SPART: variants seen among roughly 807,000 people sequenced by gnomAD.
The protein encoded by SPART is spartin.
In SPART, 35 loss-of-function variants were observed where a neutral mutation model predicts 58.7. The observed-to-expected ratio is 0.60, with a 90% CI of 0.46 to 0.79. The LOEUF (loss-of-function observed/expected upper bound fraction) is 0.79. Ranked by LOEUF, SPART falls within the 30% of genes least tolerant of loss-of-function variation. The pLI is 0.00. For missense variants in SPART, 730 were observed against 786.1 expected (o/e 0.93, Z 0.85); for synonymous variants, 284 against 280.7 (o/e 1.01, Z -0.12).
intron 5 of SPART, among the ~76,000 whole-genome samples, chr13:36,322,140 A>C (rs1262007643): frequency 6.6e-6 from 1 of 152,148 alleles, no homozygotes; most frequent in Admixed American, 6.5e-5. Context: ...ATAAACAGCC[A>C]TGTTGCTCAC....
At chr13:36,323,600 C>A (rs750519207) in intron 5 of SPART, among the ~76,000 whole-genome samples, 6 of 152,168 alleles carry the variant, frequency 3.9e-5, no homozygotes, top group Non-Finnish European at 8.8e-5. Context: ...TCATTTTGTA[C>A]ATAGACTGAA....
intron 1 of SPART, among the ~76,000 whole-genome samples, chr13:36,342,733 T>C (rs1297605773): frequency 6.6e-6 from 1 of 152,106 alleles, no homozygotes; most frequent in Non-Finnish European, 1.5e-5. Flanking sequence ...GGGGGATGTG[T>C]GCCCCCCAGG....
chr13:36,334,974 T>C (rs751586745), intron 2 of SPART, 47 bp downstream of exon 2: 16 of 1,430,356 alleles, frequency 1.1e-5, no homozygotes, highest in African/African-American at 4.2e-5. Flanking sequence ...AAAAATGATG[T>C]AGTCTACACG....
intron 1 of SPART, among the ~76,000 whole-genome samples, chr13:36,353,206 A>G (rs1348909082): frequency 6.6e-6 from 1 of 152,194 alleles, no homozygotes; most frequent in Non-Finnish European, 1.5e-5. Context: ...TCTTGTTTAC[A>G]TGGTACAGAG....
At position 36,304,494 on chromosome 13, in the gene SPART, G is replaced by A. The variant is rs1302866280; in HGVS notation, c.1872C>T (p.Leu624=). Reference sequence around the variant, plus strand: ...TATCAACTATCTGATAGTCCTCAAGGAGAGTGTGTCCTGTTTGTGTTGCAG... The same window carrying A: ...TATCAACTATCTGATAGTCCTCAAGAAGAGTGTGTCCTGTTTGTGTTGCAG... ...KKTATQTGHT[L]LEDYQIVDNS... is the part of the protein sequence containing the mutation. Residue 624 remains leucine (L), a synonymous_variant, in exon 9 of 9, where the codon CTC becomes CTT. Transcript: ENST00000438666. 7 of 1,613,972 alleles carry A rather than the reference G, an allele frequency of 4.3e-6. No homozygotes were observed. The Admixed American group carries it at 1.0e-4, about 23-fold the overall frequency.
upstream of SPART, among the ~76,000 whole-genome samples, chr13:36,347,823 T>G (rs1453617589): frequency 6.6e-6 from 1 of 152,206 alleles, no homozygotes; most frequent in African/African-American, 2.4e-5. Context: ...TTATATAACT[T>G]TTAAATGTAG....
At chr13:36,319,718 T>C (rs1171446442) in intron 5 of SPART, among the ~76,000 whole-genome samples, 2 of 141,312 alleles carry the variant, frequency 1.4e-5, no homozygotes, top group Non-Finnish European at 3.2e-5. Context: ...ACTATCCCTT[T>C]GCACCCTTCA....
intron 1 of SPART, among the ~76,000 whole-genome samples, chr13:36,343,514 T>C (rs966465678): frequency 2.6e-5 from 4 of 152,206 alleles, no homozygotes; most frequent in Admixed American, 2.0e-4. Flanking sequence ...TGCATTCTTT[T>C]CAACTAACGC....
At chr13:36,319,344 A>G (rs1014392503) in intron 5 of SPART, among the ~76,000 whole-genome samples, 2 of 147,394 alleles carry the variant, frequency 1.4e-5, no homozygotes, top group African/African-American at 5.1e-5. Flanking sequence ...CACAAGTATA[A>G]GATACCTCTA....
chr13:36,334,955 T>G (rs1230307377), intron 2 of SPART, 66 bp downstream of exon 2: 3 of 1,338,912 alleles, frequency 2.2e-6, no homozygotes, highest in Non-Finnish European at 3.2e-6. Flanking sequence ...CACATAAACA[T>G]TAACAAATAA....
At position 36,326,598 on chromosome 13, in the gene SPART, T is replaced by C; in HGVS notation, c.1265A>G (p.Lys422Arg). 3.7e-6 allele frequency: 6 copies of C among 1,613,566 alleles called. No homozygotes were observed. The highest frequency in any genetic ancestry group is 4.2e-6 in the Non-Finnish European group (5 of 1,179,872). ...KPKELPEWSE[K>R]VAHNILSGAS... The stretch of plus-strand genomic sequence containing the variant: ...ACCTGACAAAATGTTGTGAGCCACT[T>C]TTTCACTCCATTCAGGTAATTCTTT... The change falls in exon 5 of 9, where the codon AAA becomes AGA. Residue 422 changes from lysine (K) to arginine (R), a missense_variant. Physicochemically the swap from Lys to Arg is conservative, Grantham distance 26. Coordinates refer to ENST00000438666, the MANE Select transcript of SPART (RefSeq NM_015087.5).
At chr13:36,316,136 G>A (rs927924114) in intron 5 of SPART, among the ~76,000 whole-genome samples, 1 of 152,344 alleles carries the variant, frequency 6.6e-6, no homozygotes, top group African/African-American at 2.4e-5. Context: ...GCTGCCATAT[G>A]GCAGACCATG....
intron 5 of SPART, among the ~76,000 whole-genome samples, chr13:36,316,864 T>A (rs1286855196): frequency 3.9e-5 from 6 of 152,122 alleles, no homozygotes; most frequent in African/African-American, 9.7e-5. Flanking sequence ...ACCTACAACC[T>A]CAGGTCCTAA....
At chr13:36,325,498 A>C (rs570579250) in intron 5 of SPART, among the ~76,000 whole-genome samples, 1 of 152,262 alleles carries the variant, frequency 6.6e-6, no homozygotes, top group Non-Finnish European at 1.5e-5. Flanking sequence ...TTTAGTGGAC[A>C]TGGAAATCTG....
intron 8 of SPART, among the ~76,000 whole-genome samples, chr13:36,310,706 AC>A (rs1436282724): frequency 5.3e-5 from 8 of 152,124 alleles, no homozygotes; most frequent in African/African-American, 1.9e-4. Flanking sequence ...GTCATGTAAA[AC>A]TAGAGCCATG....
chr13:36,351,590 G>A (rs1289127026), intron 1 of SPART, among the ~76,000 whole-genome samples: 2 of 152,054 alleles, frequency 1.3e-5, no homozygotes, highest in African/African-American at 2.4e-5. Context: ...TTTTAATAAC[G>A]TAAATGTTCT....
intron 1 of SPART, among the ~76,000 whole-genome samples, chr13:36,363,992 T>G (rs528005600): frequency 7.9e-5 from 12 of 152,262 alleles, no homozygotes; most frequent in African/African-American, 2.6e-4. Flanking sequence ...ATGCACTCTT[T>G]TTTTGGGCTG....
intron 5 of SPART, among the ~76,000 whole-genome samples, chr13:36,316,234 T>G (rs1322492627): frequency 2.0e-5 from 3 of 152,234 alleles, no homozygotes; most frequent in Non-Finnish European, 4.4e-5. Context: ...CACTGTCCAC[T>G]TTTACTGAAC....
chr13:36,329,830 T>TGAA (rs1883299505), intron 3 of SPART, among the ~76,000 whole-genome samples: 1 of 152,224 alleles, frequency 6.6e-6, no homozygotes, highest in Non-Finnish European at 1.5e-5. Flanking sequence ...ATTTAATTAA[T>TGAA]GAATAAATTT....
Sources: gnomAD v4.1 joint callset for allele counts (sites outside exome capture counted in the v4.1 genomes callset) on GRCh38, gnomAD v4.1.1 for gene constraint, MANE v1.5 for transcripts, NCBI Gene and HGNC (gene_info 2026-07-23, HGNC 2026-07-21) for gene names.